The following AP3B1 variants were observed in gnomAD, a reference collection of about 807,000 sequenced individuals.
AP3B1 encodes adaptor related protein complex 3 subunit beta 1, also known as AP-3 complex subunit beta-1.
A neutral mutation model predicts 132.5 loss-of-function variants in AP3B1; 61 were observed. That is an observed-to-expected ratio of 0.46 (90% CI 0.37 to 0.57). The LOEUF (loss-of-function observed/expected upper bound fraction) is 0.57, where lower values mean the gene tolerates loss of function less well. Among genes scored for constraint, AP3B1 ranks in the 20% least tolerant of loss-of-function variants. AP3B1 has a pLI of 0.00. For synonymous variants in AP3B1, 388 were observed against 438.3 expected (o/e 0.89, Z 1.43); for missense variants, 1,120 against 1,289.4 (o/e 0.87, Z 2.01).
At chr5:78,207,772 C>T (rs189425326) in intron 7 of AP3B1, among the ~76,000 whole-genome samples, 4 of 152,010 alleles carry the variant, frequency 2.6e-5, no homozygotes, top group Non-Finnish European at 5.9e-5. Context: ...GATTTCTTCA[C>T]AGCAAAATTC....
At chr5:78,031,210 T>C (rs1054472404) in intron 24 of AP3B1, among the ~76,000 whole-genome samples, 14 of 152,210 alleles carry the variant, frequency 9.2e-5, no homozygotes, top group African/African-American at 3.4e-4. Context: ...GCAACTATCA[T>C]TACTATGGGT....
At chr5:78,226,566 G>A (rs1216115603) in intron 5 of AP3B1, among the ~76,000 whole-genome samples, 2 of 151,900 alleles carry the variant, frequency 1.3e-5, no homozygotes, top group Non-Finnish European at 2.9e-5. Flanking sequence ...ATTCATTATA[G>A]ATTGCCTTTA....
At chr5:78,162,235 C>T (rs1045813805) in intron 13 of AP3B1, among the ~76,000 whole-genome samples, 2 of 152,134 alleles carry the variant, frequency 1.3e-5, no homozygotes, top group African/African-American at 4.8e-5. Flanking sequence ...AATATGGGAT[C>T]TAGCTTACAT....
intron 2 of AP3B1, among the ~76,000 whole-genome samples, chr5:78,247,586 CTTA>C (rs1406448753): frequency 6.6e-6 from 1 of 151,412 alleles, no homozygotes; most frequent in Admixed American, 6.6e-5. Flanking sequence ...GAAAATGACT[CTTA>C]TTGTTATGTT....
intron 2 of AP3B1, among the ~76,000 whole-genome samples, chr5:78,260,985 A>G (rs932039179): frequency 6.6e-6 from 1 of 152,218 alleles, no homozygotes; most frequent in South Asian, 2.1e-4. Flanking sequence ...CATTGCACAG[A>G]TGTACCACAT....
At chr5:78,164,472 G>T (rs1316074178) in intron 12 of AP3B1, among the ~76,000 whole-genome samples, 1 of 151,670 alleles carries the variant, frequency 6.6e-6, no homozygotes, top group East Asian at 1.9e-4. Flanking sequence ...AGCAAAAACT[G>T]GACAGTGAGA....
intron 15 of AP3B1, among the ~76,000 whole-genome samples, chr5:78,133,584 A>G (rs997235833): frequency 8.5e-5 from 13 of 152,220 alleles, no homozygotes; most frequent in African/African-American, 2.9e-4. Context: ...GCTGTTAGGA[A>G]GAAAACAGAC....
Position 78,039,211 on chromosome 5 carries a change from C to T in AP3B1, c.2641G>A (p.Gly881Arg). 1 of 1,614,082 alleles carries T rather than the reference C, an allele frequency of 6.2e-7. No individual in the cohort carries two copies. Among genetic ancestry groups the T allele is most frequent in the South Asian group, 1.1e-5 (1 of 91,088 alleles). Residue 881 changes from glycine (G) to arginine (R), a missense_variant, in exon 23 of 27, where the codon GGA becomes AGA. Physicochemically the swap from Gly to Arg is moderately radical, Grantham distance 125 (BLOSUM62 -2). Transcript: ENST00000255194. ...GGAAAGAAATAATGGGCAGCTAGTC[C>T]TTTTCCACTCATTCGATGAAGCAGC... The part of the protein sequence containing the change: ...HVLLHRMSGK[G>R]LAAHYFFPRQ...
intron 22 of AP3B1, among the ~76,000 whole-genome samples, chr5:78,044,506 T>C (rs1379035220): frequency 6.6e-6 from 1 of 152,214 alleles, no homozygotes. Flanking sequence ...TGGAAATTCA[T>C]AAAAAGTTGG....
intron 6 of AP3B1, among the ~76,000 whole-genome samples, chr5:78,223,310 T>C (rs1009093636): frequency 3.3e-5 from 5 of 151,722 alleles, no homozygotes; most frequent in Admixed American, 2.0e-4. Context: ...TATTCTTAAT[T>C]AAAAAAAATA....
intron 14 of AP3B1, among the ~76,000 whole-genome samples, chr5:78,144,385 A>T (rs1239368099): frequency 6.6e-6 from 1 of 152,226 alleles, no homozygotes; most frequent in Non-Finnish European, 1.5e-5. Context: ...AGACATCTAG[A>T]AAGATTTTGC....
At chr5:78,274,019 A>G (rs192903419) in intron 1 of AP3B1, among the ~76,000 whole-genome samples, 27 of 147,152 alleles carry the variant, frequency 1.8e-4, no homozygotes, top group East Asian at 1.6e-3. Flanking sequence ...CCCCGCCCAA[A>G]AAAGAAAAAA....
downstream of AP3B1, chr5:78,001,751 T>C (rs1037062499): frequency 6.6e-6 from 1 of 152,218 alleles, no homozygotes; most frequent in Non-Finnish European, 1.5e-5. Flanking sequence ...TGTGGCTCTA[T>C]ACAAAAAGAA....
intron 26 of AP3B1, among the ~76,000 whole-genome samples, chr5:78,005,067 T>A (rs896339161): frequency 1.2e-4 from 18 of 152,206 alleles, no homozygotes; most frequent in Non-Finnish European, 2.5e-4. Flanking sequence ...TGTTTCTATA[T>A]TCCTGTAAAA....
chr5:78,134,340 T>A (rs1217712892), intron 15 of AP3B1, among the ~76,000 whole-genome samples: 1 of 152,054 alleles, frequency 6.6e-6, no homozygotes, highest in Admixed American at 6.6e-5. Context: ...TCTAATAATA[T>A]CTTTACTATT....
intron 15 of AP3B1, among the ~76,000 whole-genome samples, chr5:78,136,983 C>T (rs72776432): frequency 0.24 from 36,775 of 151,662 alleles, 4,696 homozygotes; most frequent in African/African-American, 0.32. Flanking sequence ...TGATTTGAAG[C>T]CAGGCAGTCT....
chr5:78,289,687 T>C (rs547132421), intron 1 of AP3B1, among the ~76,000 whole-genome samples: 3 of 152,316 alleles, frequency 2.0e-5, no homozygotes, highest in African/African-American at 7.2e-5. Flanking sequence ...CATCTTCTTT[T>C]TTAAACCTTC....
chr5:78,252,065 T>C (rs1747661320), intron 2 of AP3B1, among the ~76,000 whole-genome samples: 1 of 152,114 alleles, frequency 6.6e-6, no homozygotes, highest in South Asian at 2.1e-4. Context: ...CCAGACGACA[T>C]TCCTAGACAC....
At chr5:78,227,585 A>T (rs867752302) in intron 4 of AP3B1, 53 bp from the exon 5 acceptor site, 7 of 1,578,962 alleles carry the variant, frequency 4.4e-6, no homozygotes, top group African/African-American at 4.0e-5. Context: ...AATATTTTAA[A>T]CATATCTTTC....
Sources: gnomAD v4.1 joint callset for allele counts (sites outside exome capture counted in the v4.1 genomes callset) on GRCh38, gnomAD v4.1.1 for gene constraint, MANE v1.5 for transcripts, NCBI Gene and HGNC (gene_info 2026-07-23, HGNC 2026-07-21) for gene names.